Variants in DLG2 observed in about 807,000 individuals in gnomAD.
DLG2 encodes disks large homolog 2.
Under a neutral mutation model 132.5 loss-of-function variants are expected in DLG2, and 45 were observed. The observed-to-expected ratio is 0.34, with a 90% CI of 0.27 to 0.44. DLG2 has a LOEUF of 0.44. Among genes scored for constraint, DLG2 ranks in the 20% least tolerant of loss-of-function variants. DLG2 has a pLI of 1.00. For synonymous variants in DLG2, 424 were observed against 419.6 expected (o/e 1.01, Z -0.13); for missense variants, 1,045 against 1,196.9 (o/e 0.87, Z 1.87).
intron 6 of DLG2, among the ~76,000 whole-genome samples, chr11:84,821,539 C>T (rs1209440499): frequency 6.7e-6 from 1 of 148,972 alleles, no homozygotes; most frequent in Non-Finnish European, 1.5e-5. Context: ...AGTGTAAAGA[C>T]ATGTCTAGCC....
intron 3 of DLG2, among the ~76,000 whole-genome samples, chr11:85,374,127 GCAGA>G (rs888508388): frequency 9.9e-5 from 15 of 152,224 alleles, no homozygotes; most frequent in Non-Finnish European, 2.1e-4. Context: ...GAAAAAAAAA[GCAGA>G]CAGTTTTTGA....
intron 4 of DLG2, among the ~76,000 whole-genome samples, chr11:85,236,705 ATTCTTGC>A (rs2152663673): frequency 6.6e-6 from 1 of 152,112 alleles, no homozygotes; most frequent in East Asian, 1.9e-4. Flanking sequence ...ACTATGCAAG[ATTCTTGC>A]ATAGTTACTT....
intron 6 of DLG2, among the ~76,000 whole-genome samples, chr11:84,970,061 A>T (rs551242284): frequency 1.3e-5 from 2 of 152,010 alleles, no homozygotes; most frequent in Non-Finnish European, 2.9e-5. Context: ...AGAAATACCT[A>T]ATGTAGATGA....
intron 6 of DLG2, among the ~76,000 whole-genome samples, chr11:84,581,912 C>CAAAAAAAAAAAAAAAAA (rs780759635): frequency 3.1e-5 from 2 of 64,932 alleles, no homozygotes; most frequent in African/African-American, 5.0e-5. Context: ...TCTCAAAAAC[C>CAAAAAAAAAAAAAAAAA]AAAAAAAAAA....
At chr11:83,856,302 A>C (rs2060526559) in intron 16 of DLG2, among the ~76,000 whole-genome samples, 1 of 152,058 alleles carries the variant, frequency 6.6e-6, no homozygotes, top group Admixed American at 6.6e-5. Flanking sequence ...CATATGCTTG[A>C]ATTTTCTTTA....
At chr11:85,476,570 TTTTC>T (rs1565550654) in intron 3 of DLG2, among the ~76,000 whole-genome samples, 2 of 152,148 alleles carry the variant, frequency 1.3e-5, no homozygotes, top group Admixed American at 6.5e-5. Context: ...TACAAAAATC[TTTTC>T]TTTCTTTATA....
intron 11 of DLG2, among the ~76,000 whole-genome samples, chr11:83,988,379 C>A (rs965515644): frequency 1.3e-5 from 2 of 151,624 alleles, no homozygotes; most frequent in African/African-American, 2.4e-5. Context: ...CAGCTTTGTT[C>A]TTTTTGCTTA....
intron 18 of DLG2, among the ~76,000 whole-genome samples, chr11:83,746,216 C>T (rs2092901833): frequency 6.6e-6 from 1 of 152,272 alleles, no homozygotes; most frequent in African/African-American, 2.4e-5. Context: ...ACCCAGCCAT[C>T]CCATTACTAG....
chr11:83,718,688 G>A (rs71465554), intron 18 of DLG2, among the ~76,000 whole-genome samples: 6,019 of 152,204 alleles, frequency 0.04, 173 homozygotes, highest in Middle Eastern at 0.092. Context: ...TAGACTGAGA[G>A]GCTGAGAGGG....
At position 84,430,726 on chromosome 11, in the gene DLG2, G is replaced by A. The variant is rs1348009034; in HGVS notation, c.519+103844C>T. Among the ~76,000 whole-genome samples the A allele has an allele frequency of 1.3e-5, 2 of 152,052 alleles. 1 individual carries two copies. Among genetic ancestry groups the A allele is most frequent in the African/African-American group, 4.8e-5 (2 of 41,420 alleles). On this transcript the variant is annotated intron_variant, in intron 7 of 27. Coordinates refer to ENST00000376104, the MANE Select transcript of DLG2 (RefSeq NM_001142699.3). The stretch of plus-strand genomic sequence containing the variant: ...TTATAACAGTTGTGCTTTTTGCTCT[G>A]CCAGGGTGGGCAGCAGTTCTGGGAC...
At chr11:85,306,763 G>A (rs1448504988) in intron 3 of DLG2, among the ~76,000 whole-genome samples, 2 of 152,090 alleles carry the variant, frequency 1.3e-5, no homozygotes, top group African/African-American at 2.4e-5. Flanking sequence ...TAGTAGAGAC[G>A]GGGTTTGACT....
At chr11:83,486,886 A>G (rs1312311368) in intron 21 of DLG2, among the ~76,000 whole-genome samples, 2 of 152,138 alleles carry the variant, frequency 1.3e-5, no homozygotes, top group African/African-American at 4.8e-5. Flanking sequence ...CAACTATAAG[A>G]GAGACTATAT....
Position 84,496,903 on chromosome 11 carries a change from C to T in DLG2, c.519+37667G>A, listed in dbSNP as rs867712671. Among the ~76,000 whole-genome samples, 11 of 152,094 alleles carry T rather than the reference C, an allele frequency of 7.2e-5. No homozygotes were observed. In the South Asian group the frequency reaches 2.3e-3, roughly 32 times the overall value. On this transcript the variant is annotated intron_variant, in intron 7 of 27. Transcript: ENST00000376104. ...AATTTTTGAATGAAGGAATATACTTCATTCTATTTACTTAATATGAAGTAG... is the reference window on the plus strand; with the variant it reads ...AATTTTTGAATGAAGGAATATACTTTATTCTATTTACTTAATATGAAGTAG...
chr11:83,817,015 G>C (rs958507688), intron 17 of DLG2, among the ~76,000 whole-genome samples: 1 of 152,022 alleles, frequency 6.6e-6, no homozygotes, highest in African/African-American at 2.4e-5. Flanking sequence ...TATTTTACTA[G>C]ATCTTTACTC....
chr11:85,473,200 C>T (rs924087755), intron 3 of DLG2, among the ~76,000 whole-genome samples: 2 of 152,236 alleles, frequency 1.3e-5, no homozygotes, highest in Non-Finnish European at 2.9e-5. Flanking sequence ...AGGCCAGTAG[C>T]AAAAGCCAAG....
intron 18 of DLG2, among the ~76,000 whole-genome samples, chr11:83,771,677 G>A (rs578233224): frequency 9.9e-5 from 15 of 152,214 alleles, no homozygotes; most frequent in South Asian, 2.1e-4. Context: ...TAAGACCACC[G>A]TTGTATATGT....
chr11:84,697,038 A>G (rs1285150977), intron 6 of DLG2, among the ~76,000 whole-genome samples: 2 of 151,404 alleles, frequency 1.3e-5, no homozygotes, highest in African/African-American at 4.8e-5. Context: ...TAGAGGAGTT[A>G]ACAATAACCT....
Position 85,154,362 on chromosome 11 carries a change from C to T in DLG2, c.282+194G>A, listed in dbSNP as rs191791499. Among the ~76,000 whole-genome samples the T allele has an allele frequency of 2.6e-5, 4 of 152,264 alleles. No individual in the cohort carries two copies. The South Asian group carries it at 6.2e-4, about 24-fold the overall frequency. On this transcript the variant is annotated intron_variant, in intron 5 of 27. Transcript: ENST00000376104. The stretch of plus-strand genomic sequence containing the variant: ...AACACAGAACCCAAAATAAAACACA[C>T]ACAACTACTCAACGTGATACACATT...
chr11:85,355,676 A>G (rs1565370652), intron 3 of DLG2, among the ~76,000 whole-genome samples: 1 of 152,176 alleles, frequency 6.6e-6, no homozygotes, highest in Non-Finnish European at 1.5e-5. Context: ...TTTTAATAAA[A>G]TGTTAATGAA....
Sources: gnomAD v4.1 joint callset for allele counts (sites outside exome capture counted in the v4.1 genomes callset) on GRCh38, gnomAD v4.1.1 for gene constraint, MANE v1.5 for transcripts, NCBI Gene and HGNC (gene_info 2026-07-23, HGNC 2026-07-21) for gene names.